LPP: variants seen among roughly 807,000 people sequenced by gnomAD.
LPP encodes the protein LIM domain containing preferred translocation partner in lipoma, also known as lipoma-preferred partner.
A neutral mutation model predicts 60.4 loss-of-function variants in LPP; 38 were observed. That is an observed-to-expected ratio of 0.63 (90% confidence interval 0.49 to 0.83). The LOEUF (loss-of-function observed/expected upper bound fraction) is 0.83. Among genes scored for constraint, LPP ranks in the 40% least tolerant of loss-of-function variants. LPP has a pLI of 0.00. For missense variants in LPP, 902 were observed against 783.6 expected (o/e 1.15, Z -1.80); for synonymous variants, 328 against 290.8 (o/e 1.13, Z -1.30).
intron 1 of LPP, chr3:188,179,569 A>G (rs1724299302): frequency 6.7e-6 from 3 of 446,446 alleles, no homozygotes; most frequent in Non-Finnish European, 1.4e-5. Flanking sequence ...AGCCCTCTCG[A>G]GAGGTCTGTC....
intron 2 of LPP, among the ~76,000 whole-genome samples, chr3:188,272,138 A>G (rs914831321): frequency 2.6e-5 from 4 of 152,138 alleles, no homozygotes; most frequent in Non-Finnish European, 4.4e-5. Context: ...CTGTGCCACG[A>G]GTTTGCTCTG....
At chr3:188,366,171 A>G (rs868397001) in intron 3 of LPP, among the ~76,000 whole-genome samples, 15 of 152,214 alleles carry the variant, frequency 9.9e-5, no homozygotes, top group African/African-American at 3.6e-4. Flanking sequence ...TCCTTAAGCA[A>G]CATTTCCTCC....
chr3:188,624,959 C>A (rs1293176020), intron 7 of LPP, among the ~76,000 whole-genome samples: 1 of 151,536 alleles, frequency 6.6e-6, no homozygotes, highest in Non-Finnish European at 1.5e-5. Context: ...TCTTTTTTAA[C>A]CACATGATTT....
intron 1 of LPP, among the ~76,000 whole-genome samples, chr3:188,168,135 T>G (rs1316904461): frequency 6.6e-6 from 1 of 152,274 alleles, no homozygotes; most frequent in African/African-American, 2.4e-5. Context: ...CTCTCAGTCT[T>G]TATTGAGCTA....
chr3:188,235,639 T>G (rs1721635627), intron 2 of LPP, among the ~76,000 whole-genome samples: 1 of 152,172 alleles, frequency 6.6e-6, no homozygotes, highest in Non-Finnish European at 1.5e-5. Context: ...GGCAATCTCT[T>G]CTCCACTTAG....
At chr3:188,702,052 C>A (rs1304090099) in intron 7 of LPP, among the ~76,000 whole-genome samples, 1 of 142,832 alleles carries the variant, frequency 7.0e-6, no homozygotes, top group Non-Finnish European at 1.5e-5. Flanking sequence ...TGGGTTCAAG[C>A]AATTCTTCTG....
intron 2 of LPP, among the ~76,000 whole-genome samples, chr3:188,256,304 G>A (rs1731653362): frequency 6.6e-6 from 1 of 152,110 alleles, no homozygotes; most frequent in Non-Finnish European, 1.5e-5. Flanking sequence ...TTAAATCTTA[G>A]TTATTACAGT....
intron 7 of LPP, among the ~76,000 whole-genome samples, chr3:188,624,779 T>TTTCC (rs10662278): frequency 0.03 from 1,819 of 60,818 alleles, 81 homozygotes; most frequent in African/African-American, 0.089. Flanking sequence ...CTTCCTTCCT[T>TTTCC]TTCCTTCCTT....
chr3:188,469,915 T>C (rs1801391787), intron 4 of LPP, among the ~76,000 whole-genome samples: 1 of 152,140 alleles, frequency 6.6e-6, no homozygotes, highest in Non-Finnish European at 1.5e-5. Flanking sequence ...TTTTATGGTA[T>C]TTCTAAATTC....
At chr3:188,528,375 T>G (rs1248937201) in intron 6 of LPP, among the ~76,000 whole-genome samples, 1 of 151,814 alleles carries the variant, frequency 6.6e-6, no homozygotes, top group Non-Finnish European at 1.5e-5. Context: ...CATTTAAATC[T>G]TTTTTTTCCT....
intron 9 of LPP, among the ~76,000 whole-genome samples, chr3:188,853,859 C>T: frequency 6.6e-6 from 1 of 151,432 alleles, no homozygotes; most frequent in Non-Finnish European, 1.5e-5. Context: ...TTTTACTCAC[C>T]ACAAACAACT....
intron 6 of LPP, chr3:188,553,967 A>G (rs1177496102): frequency 6.6e-6 from 1 of 152,240 alleles, no homozygotes; most frequent in East Asian, 1.9e-4. Context: ...ACTGGCTTTC[A>G]TCTTCATGGG....
intron 6 of LPP, among the ~76,000 whole-genome samples, chr3:188,561,539 G>A (rs1830682599): frequency 6.6e-6 from 1 of 152,036 alleles, no homozygotes. Context: ...AAAAGTCGGA[G>A]GAGCAGATTT....
At chr3:188,659,230 C>T (rs944004542) in intron 7 of LPP, among the ~76,000 whole-genome samples, 10 of 152,210 alleles carry the variant, frequency 6.6e-5, no homozygotes, top group African/African-American at 2.2e-4. Context: ...ACCTAATGAT[C>T]GTTGAATACA....
At chr3:188,441,888 G>C (rs892867660) in intron 4 of LPP, among the ~76,000 whole-genome samples, 1 of 151,846 alleles carries the variant, frequency 6.6e-6, no homozygotes, top group African/African-American at 2.4e-5. Flanking sequence ...CCTCCCAAGT[G>C]CTGGGATTAC....
intron 2 of LPP, among the ~76,000 whole-genome samples, chr3:188,259,429 G>C (rs1165276160): frequency 1.3e-5 from 2 of 152,200 alleles, no homozygotes; most frequent in Non-Finnish European, 2.9e-5. Context: ...ATCCTGCTGA[G>C]ACATTAACTC....
chr3:188,174,435 G>T (rs900088683), intron 1 of LPP, among the ~76,000 whole-genome samples: 1 of 152,246 alleles, frequency 6.6e-6, no homozygotes, highest in Non-Finnish European at 1.5e-5. Context: ...AGCGAAGCGT[G>T]CGCAGGCATT....
chr3:188,165,802 C>T (rs1468114021), intron 1 of LPP, among the ~76,000 whole-genome samples: 4 of 152,010 alleles, frequency 2.6e-5, no homozygotes, highest in Non-Finnish European at 5.9e-5. Context: ...GTCACAGAGT[C>T]TTCTCATTTT....
rs1195946148 is a variant in LPP, at chr3:188,885,844, G to A, written c.*11365G>A. 2 of 152,176 alleles carry A rather than the reference G, an allele frequency of 1.3e-5. No individual in the cohort carries two copies. The highest frequency in any genetic ancestry group is 2.9e-5 in the Non-Finnish European group (2 of 68,044). The allele number at this position is 152,176 out of a possible 1,614,324, so 9.4% of individuals were successfully genotyped here. On this transcript the variant is annotated 3_prime_UTR_variant, in exon 12 of 12. Transcript: ENST00000617246. ...ATGATTGCCATTCTAACTGGTGTGAGATGGTATCTCATAGTGGTTTTGATT... is the reference window on the plus strand; with the variant it reads ...ATGATTGCCATTCTAACTGGTGTGAAATGGTATCTCATAGTGGTTTTGATT...
Sources: allele counts gnomAD v4.1 joint callset (sites outside exome capture counted in the v4.1 genomes callset), GRCh38; gene constraint gnomAD v4.1.1; transcripts MANE v1.5; gene names NCBI Gene and HGNC (gene_info 2026-07-23, HGNC 2026-07-21).